CNTN4: variants seen among roughly 807,000 people sequenced by gnomAD.
The protein encoded by CNTN4 is contactin-4.
A neutral mutation model predicts 122.5 loss-of-function variants in CNTN4; 77 were observed. The observed-to-expected ratio is 0.63, with a 90% CI of 0.52 to 0.76. The LOEUF is 0.76. CNTN4 is among the 30% of genes least tolerant of loss of function. The probability of loss-of-function intolerance (pLI) is 0.00; values close to 1 mark genes in which losing one functional copy is unlikely to be tolerated. For synonymous variants in CNTN4, 512 were observed against 447.0 expected (o/e 1.15, Z -1.83); for missense variants, 1,256 against 1,259.1 (o/e 1.00, Z 0.04).
chr3:2,141,969 C>T (rs2035016588), intron 2 of CNTN4, among the ~76,000 whole-genome samples: 2 of 152,152 alleles, frequency 1.3e-5, no homozygotes, highest in South Asian at 4.1e-4. Context: ...TCTATAAATC[C>T]AAAGCTGCTG....
chr3:2,365,654 T>C (rs1454156553), intron 3 of CNTN4, among the ~76,000 whole-genome samples: 1 of 152,190 alleles, frequency 6.6e-6, no homozygotes, highest in African/African-American at 2.4e-5. Context: ...TGAGATTCCC[T>C]TCTCCAAGTT....
chr3:2,272,233 T>C (rs1409888407), intron 2 of CNTN4, among the ~76,000 whole-genome samples: 2 of 152,098 alleles, frequency 1.3e-5, no homozygotes, highest in Non-Finnish European at 1.5e-5. Flanking sequence ...AATAGAAAAT[T>C]AGGTAAAGAT....
chr3:2,216,788 T>C (rs971450244), intron 2 of CNTN4, among the ~76,000 whole-genome samples: 2 of 152,148 alleles, frequency 1.3e-5, no homozygotes, highest in African/African-American at 4.8e-5. Context: ...CCAGTCTGCA[T>C]ACCCCTCCTC....
intron 3 of CNTN4, among the ~76,000 whole-genome samples, chr3:2,475,105 T>C (rs1030129288): frequency 6.6e-6 from 1 of 152,234 alleles, no homozygotes; most frequent in Non-Finnish European, 1.5e-5. Context: ...AAATATTTCT[T>C]CATACTGTTG....
chr3:2,597,007 T>C (rs1559285431), intron 4 of CNTN4, among the ~76,000 whole-genome samples: 1 of 152,130 alleles, frequency 6.6e-6, no homozygotes, highest in Non-Finnish European at 1.5e-5. Context: ...ATAGCCCATA[T>C]AAACTCAGAA....
chr3:2,894,297 C>T (rs757477088), intron 10 of CNTN4, among the ~76,000 whole-genome samples: 67 of 152,140 alleles, frequency 4.4e-4, no homozygotes, highest in Non-Finnish European at 4.6e-4. Context: ...TGGGGACCTA[C>T]AATGGTTCTT....
At chr3:2,658,833 A>C (rs963516374) in intron 4 of CNTN4, among the ~76,000 whole-genome samples, 2 of 152,106 alleles carry the variant, frequency 1.3e-5, no homozygotes, top group Admixed American at 6.5e-5. Context: ...AGCTCACTCT[A>C]TCTCCAATAG....
intron 13 of CNTN4, among the ~76,000 whole-genome samples, chr3:2,978,051 G>A (rs1577475828): frequency 6.6e-6 from 1 of 152,194 alleles, no homozygotes; most frequent in African/African-American, 2.4e-5. Context: ...GGTTTCTCCC[G>A]CAGAGCCTCC....
intron 6 of CNTN4, among the ~76,000 whole-genome samples, chr3:2,798,366 A>ATCTATCTATGT (rs57013365): frequency 1.5e-5 from 2 of 135,374 alleles, no homozygotes; most frequent in African/African-American, 2.7e-5. Context: ...TACACACATA[A>ATCTATCTATGT]ATCTATCTAT....
intron 3 of CNTN4, among the ~76,000 whole-genome samples, chr3:2,413,284 C>G (rs985603861): frequency 6.6e-6 from 1 of 152,158 alleles, no homozygotes; most frequent in African/African-American, 2.4e-5. Flanking sequence ...TAAATTAGTT[C>G]AACAATGTTC....
At chr3:2,662,331 A>G (rs2083937561) in intron 4 of CNTN4, among the ~76,000 whole-genome samples, 1 of 152,204 alleles carries the variant, frequency 6.6e-6, no homozygotes, top group Non-Finnish European at 1.5e-5. Context: ...TCAATGGAGG[A>G]GAGTGGCAGC....
chr3:2,479,416 C>T (rs970585937), intron 3 of CNTN4, among the ~76,000 whole-genome samples: 1 of 152,194 alleles, frequency 6.6e-6, no homozygotes, highest in Non-Finnish European at 1.5e-5. Context: ...AACCACACAA[C>T]TCATGCGCCT....
chr3:2,800,636 C>T (rs1297525434), intron 6 of CNTN4, among the ~76,000 whole-genome samples: 1 of 152,182 alleles, frequency 6.6e-6, no homozygotes, highest in Non-Finnish European at 1.5e-5. Flanking sequence ...TAAGTCAAAC[C>T]ATGTCACTCC....
chr3:2,361,483 A>C (rs984852064), intron 3 of CNTN4, among the ~76,000 whole-genome samples: 3 of 152,162 alleles, frequency 2.0e-5, no homozygotes, highest in African/African-American at 7.2e-5. Context: ...CAAAGATGTC[A>C]AGTGTCAAGG....
chr3:2,199,354 T>TGA (rs1575065789), intron 2 of CNTN4, among the ~76,000 whole-genome samples: 1 of 150,240 alleles, frequency 6.7e-6, no homozygotes, highest in Non-Finnish European at 1.5e-5. Context: ...TGTGTGTGTG[T>TGA]GACTCTCTTT....
At chr3:2,412,734 G>C (rs572601521) in intron 3 of CNTN4, among the ~76,000 whole-genome samples, 6 of 151,862 alleles carry the variant, frequency 4.0e-5, no homozygotes, top group South Asian at 2.1e-4. Context: ...TGCATCATAC[G>C]TATATACCTT....
At chr3:2,626,330 A>G (rs2082185035) in intron 4 of CNTN4, among the ~76,000 whole-genome samples, 2 of 151,990 alleles carry the variant, frequency 1.3e-5, no homozygotes, top group Non-Finnish European at 2.9e-5. Flanking sequence ...CATCTCTACT[A>G]AAAATACGAA....
chr3:2,316,641 A>G (rs1020023737), intron 2 of CNTN4, among the ~76,000 whole-genome samples: 7 of 152,180 alleles, frequency 4.6e-5, no homozygotes, highest in African/African-American at 1.4e-4. Context: ...GACTTACAGG[A>G]TTCAACAGAA....
At chr3:2,378,506 A>G (rs1215637019) in intron 3 of CNTN4, among the ~76,000 whole-genome samples, 1 of 152,176 alleles carries the variant, frequency 6.6e-6, no homozygotes, top group Non-Finnish European at 1.5e-5. Flanking sequence ...ACCTTAATGG[A>G]CAGGTAGCAA....
Sources: allele counts gnomAD v4.1 joint callset (sites outside exome capture counted in the v4.1 genomes callset), GRCh38; gene constraint gnomAD v4.1.1; transcripts MANE v1.5; gene names NCBI Gene and HGNC (gene_info 2026-07-23, HGNC 2026-07-21).